SEPTIN3: variants seen among roughly 807,000 people sequenced by gnomAD.
The protein encoded by SEPTIN3 is neuronal-specific septin-3.
A neutral mutation model predicts 45.1 loss-of-function variants in SEPTIN3; 15 were observed. The ratio of observed to expected loss-of-function variants is 0.33; its 90% CI spans 0.22 to 0.51. The LOEUF (loss-of-function observed/expected upper bound fraction) is 0.51, where lower values mean the gene tolerates loss of function less well. Ranked by LOEUF, SEPTIN3 falls within the 20% of genes least tolerant of loss-of-function variation. The pLI is 0.97. For synonymous variants in SEPTIN3, 148 were observed against 164.8 expected (o/e 0.90, Z 0.78); for missense variants, 289 against 457.2 (o/e 0.63, Z 3.35).
At chr22:41,986,240 A>G (rs2078205866) in intron 4 of SEPTIN3, 128 bp downstream of exon 4, 1 of 1,136,324 alleles carries the variant, frequency 8.8e-7, no homozygotes, top group African/African-American at 1.6e-5. Flanking sequence ...AGACGTGAGC[A>G]CTTCACTCTG....
intron 3 of SEPTIN3, among the ~76,000 whole-genome samples, chr22:41,982,383 C>T (rs1305074503): frequency 1.3e-5 from 2 of 152,010 alleles, no homozygotes; most frequent in Non-Finnish European, 2.9e-5. Flanking sequence ...TGGCGCATGC[C>T]TGTAATCGCA....
chr22:41,974,854 C>CAAA, intron 2 of SEPTIN3, among the ~76,000 whole-genome samples: 1 of 30,804 alleles, frequency 3.2e-5, no homozygotes, highest in Non-Finnish European at 5.5e-5. Flanking sequence ...GACTCTGTCT[C>CAAA]AAAAAGAAAA....
At chr22:41,989,965 A>T (rs2078278386) in intron 7 of SEPTIN3, among the ~76,000 whole-genome samples, 1 of 152,136 alleles carries the variant, frequency 6.6e-6, no homozygotes, top group South Asian at 2.1e-4. Flanking sequence ...TGTACATAAG[A>T]AATCACTCCT....
chr22:41,974,173 G>T (rs1047030670), intron 2 of SEPTIN3, among the ~76,000 whole-genome samples: 1 of 151,568 alleles, frequency 6.6e-6, no homozygotes, highest in South Asian at 2.1e-4. Flanking sequence ...AAAAAGAAAG[G>T]TTAACAGGGG....
At chr22:41,977,204 A>T in intron 2 of SEPTIN3, 1 of 806,622 alleles carries the variant, frequency 1.2e-6, no homozygotes, top group African/African-American at 1.8e-5. Flanking sequence ...ATGCGCGGAC[A>T]CACGCACACA....
At chr22:41,988,368 C>T (rs1008120574) in intron 6 of SEPTIN3, among the ~76,000 whole-genome samples, 10 of 152,248 alleles carry the variant, frequency 6.6e-5, no homozygotes, top group Admixed American at 3.3e-4. Context: ...GTGCTGGGAA[C>T]AGGCAGAGGA....
chr22:41,978,857 A>G (rs377259621), intron 2 of SEPTIN3, among the ~76,000 whole-genome samples: 27 of 141,784 alleles, frequency 1.9e-4, no homozygotes, highest in African/African-American at 6.9e-4. Context: ...AAGGCAAAGC[A>G]GAGGCTTTCC....
In SEPTIN3 at chr22:41,989,610, G is replaced by A. The variant is rs763909793; in HGVS notation, c.2089G>A (p.Val697Ile). 1.2e-5 allele frequency: 20 copies of A among 1,613,976 alleles called. No individual in the cohort carries two copies. The highest frequency in any genetic ancestry group is 1.6e-5 in the Non-Finnish European group (19 of 1,180,002). ...DLEFMKHLSK[V>I]VNIIPVIAKA... ...TGAGTTCATGAAACACCTCAGCAAG[G>A]TTGTGAACATCATCCCTGTCATTGC... Residue 697 changes from valine to isoleucine, a missense_variant, in exon 7 of 12, where the codon GTT (valine) becomes ATT (isoleucine). Physicochemically the swap from Val to Ile is conservative, Grantham distance 29. Coordinates refer to ENST00000644076, the MANE Select transcript of SEPTIN3 (RefSeq NM_001363845.2).
rs2078129939 is a variant in SEPTIN3 at position 41,982,053 on chromosome 22, C to T, written c.1696+217C>T. On this transcript the variant is annotated intron_variant, in intron 3 of 11. Coordinates refer to ENST00000644076, the MANE Select transcript of SEPTIN3 (RefSeq NM_001363845.2). ...TTCAGGTGGATGCCAGCCCAGCCCC[C>T]CATCACCAGCTCGGTGTACACAGGC... is the stretch of plus-strand genomic sequence containing the variant. 3 of 572,874 alleles carry T rather than the reference C, an allele frequency of 5.2e-6. No individual in the cohort carries two copies. In the South Asian group the frequency reaches 6.4e-5, roughly 12 times the overall value. 35.5% of individuals were successfully genotyped at this position (572,874 alleles called of 1,614,324 possible). A position where few individuals can be genotyped will look rare whatever the true frequency, so the allele number is the denominator to read the frequency against.
In SEPTIN3 at chr22:41,997,165, T is replaced by C. The variant is rs2078456557; in HGVS notation, c.*198T>C. On this transcript the variant is annotated 3_prime_UTR_variant, in exon 12 of 12. Coordinates refer to ENST00000644076, the MANE Select transcript of SEPTIN3 (RefSeq NM_001363845.2). ...AACCACTCCTCTCCTCCCAGTGGAG[T>C]GGGGTTCTGCCAGTACAGCCCTACT... 1 of 1,046,858 alleles carries C rather than the reference T, an allele frequency of 9.6e-7. No homozygotes were observed. Among genetic ancestry groups the C allele is most frequent in the Admixed American group, 2.7e-5 (1 of 36,892 alleles). The allele number at this position is 1,046,858 out of a possible 1,614,324, so 64.8% of individuals were successfully genotyped here.
At chr22:41,989,398 C>T (rs1390332758) in intron 6 of SEPTIN3, among the ~76,000 whole-genome samples, 169 bp from the exon 7 acceptor site, 1 of 152,182 alleles carries the variant, frequency 6.6e-6, no homozygotes, top group Non-Finnish European at 1.5e-5. Context: ...GGCTGCTCTA[C>T]AGACGGCAAG....
At chr22:41,985,062 A>G (rs2078183810) in intron 3 of SEPTIN3, among the ~76,000 whole-genome samples, 1 of 150,706 alleles carries the variant, frequency 6.6e-6, no homozygotes, top group Non-Finnish European at 1.5e-5. Flanking sequence ...TCACCGTGTT[A>G]GCCAGGATGG....
At chr22:41,977,149 C>T (rs1050950504) in intron 2 of SEPTIN3, 7 of 1,482,926 alleles carry the variant, frequency 4.7e-6, no homozygotes, top group Non-Finnish European at 6.3e-6. Context: ...TGGAGGCGCT[C>T]CTGGGGGAGG....
chr22:41,975,888 T>G (rs905876387), intron 2 of SEPTIN3, among the ~76,000 whole-genome samples: 3 of 152,318 alleles, frequency 2.0e-5, no homozygotes, highest in Middle Eastern at 3.4e-3. Context: ...CACTTTCGGC[T>G]TAATATTCGT....
rs771301785 is a variant in SEPTIN3 at position 41,992,159 on chromosome 22, G to A, written c.2259+491G>A. ...TTTGGGAGGCCTAGGTGGGAGAATC[G>A]CTTGAGCCCAGGAGTTCACGACCAG... On this transcript the variant is annotated intron_variant, in intron 8 of 11. Transcript: ENST00000644076. Among the ~76,000 whole-genome samples the A allele has an allele frequency of 2.0e-5, 3 of 152,100 alleles. 1 individual carries two copies. The highest frequency in any genetic ancestry group is 4.1e-4 in the South Asian group (2 of 4,828).
At chr22:41,970,776 T>A (rs2077950710) in intron 1 of SEPTIN3, among the ~76,000 whole-genome samples, 1 of 152,130 alleles carries the variant, frequency 6.6e-6, no homozygotes, top group South Asian at 2.1e-4. Flanking sequence ...TTGCCTGGCA[T>A]CCCTGGGCAT....
chr22:41,989,762 C>T, intron 7 of SEPTIN3, 78 bp downstream of exon 7: 2 of 934,050 alleles, frequency 2.1e-6, no homozygotes, highest in Non-Finnish European at 3.5e-6. Flanking sequence ...TCTCCTAGCC[C>T]TCATCATTCT....
At chr22:41,977,026 G>A (rs372675914) in intron 2 of SEPTIN3, 2 of 1,586,486 alleles carry the variant, frequency 1.3e-6, no homozygotes, top group African/African-American at 1.4e-5. Flanking sequence ...CCCCGCGCCC[G>A]GAGCATCTCC....
At chr22:41,989,784 C>G (rs888467598) in intron 7 of SEPTIN3, 100 bp downstream of exon 7, 28 of 758,376 alleles carry the variant, frequency 3.7e-5, no homozygotes, top group Non-Finnish European at 9.1e-6. Flanking sequence ...CCTTCACCCC[C>G]ACCCTCAACC....
Sources: allele counts gnomAD v4.1 joint callset (sites outside exome capture counted in the v4.1 genomes callset), GRCh38; gene constraint gnomAD v4.1.1; transcripts MANE v1.5; gene names NCBI Gene and HGNC (gene_info 2026-07-23, HGNC 2026-07-21).